CEP126: variants seen among roughly 807,000 people sequenced by gnomAD.
CEP126 encodes centrosomal protein 126.
A neutral mutation model predicts 107.8 loss-of-function variants in CEP126; 74 were observed. The ratio of observed to expected loss-of-function variants is 0.69; its 90% CI spans 0.57 to 0.83. The LOEUF (loss-of-function observed/expected upper bound fraction) is 0.83, where lower values mean the gene tolerates loss of function less well. Ranked by LOEUF, CEP126 falls within the 40% of genes least tolerant of loss-of-function variation. The pLI, the probability that CEP126 is intolerant of heterozygous loss-of-function variation, is 0.00. For missense variants in CEP126, 1,237 were observed against 1,281.9 expected, an observed-to-expected ratio of 0.96 and a Z score of 0.53; for synonymous variants, 449 against 446.0, an observed-to-expected ratio of 1.01 and a Z score of -0.08.
chr11:101,967,184 A>G (rs1030496979), intron 6 of CEP126, among the ~76,000 whole-genome samples: 1 of 151,644 alleles, frequency 6.6e-6, no homozygotes, highest in African/African-American at 2.4e-5. Flanking sequence ...ACCATGCCCA[A>G]CTAATTTTTT....
chr11:101,969,085 ATCATG>A (rs1941093901), intron 6 of CEP126, among the ~76,000 whole-genome samples: 1 of 152,114 alleles, frequency 6.6e-6, no homozygotes, highest in East Asian at 1.9e-4. Context: ...CAGTGGCTTT[ATCATG>A]GCTCACTGCA....
At chr11:101,935,961 A>G (rs931774612) in intron 2 of CEP126, among the ~76,000 whole-genome samples, 13 of 152,112 alleles carry the variant, frequency 8.5e-5, no homozygotes, top group Non-Finnish European at 1.3e-4. Context: ...CCACTTCTTT[A>G]TAGTGAAATA....
chr11:101,932,431 G>C (rs4754817), intron 2 of CEP126, among the ~76,000 whole-genome samples: 3 of 151,956 alleles, frequency 2.0e-5, no homozygotes, highest in African/African-American at 4.8e-5. Context: ...AGAAAACCTG[G>C]CCACTGTGGA....
chr11:101,927,023 T>C (rs994039723), intron 2 of CEP126, among the ~76,000 whole-genome samples: 2 of 152,224 alleles, frequency 1.3e-5, no homozygotes, highest in African/African-American at 4.8e-5. Context: ...AACTGTTGGC[T>C]GGGCGCAGTG....
intron 9 of CEP126, among the ~76,000 whole-genome samples, chr11:101,990,263 G>C (rs191087143): frequency 4.1e-4 from 62 of 152,260 alleles, no homozygotes; most frequent in African/African-American, 1.4e-3. Flanking sequence ...CCCTTCCTCA[G>C]TAGTGCAGGC....
rs1383695707 is a variant in CEP126 at position 101,915,373 on chromosome 11, C to T, written c.89C>T (p.Pro30Leu). ...AACCTCGACAGAGCCCCCCTCGGCCCTCGGGAGAGCGGCGGGCATCACCGA... is the reference window on the plus strand; with the variant it reads ...AACCTCGACAGAGCCCCCCTCGGCCTTCGGGAGAGCGGCGGGCATCACCGA... ...SDNLDRAPLGPRESGGHHRPG... is the reference protein window; with the variant it reads ...SDNLDRAPLGLRESGGHHRPG... The change falls in exon 1 of 11, where the codon CCT (proline) becomes CTT (leucine). Residue 30 changes from proline (P) to leucine (L), a missense_variant. By Grantham distance (98) the Pro-to-Leu change is moderately conservative. Transcript: ENST00000263468. 1.2e-6 allele frequency: 2 copies of T among 1,613,886 alleles called. No individual in the cohort carries two copies. The highest frequency in any genetic ancestry group is 1.3e-5 in the African/African-American group (1 of 75,052).
At chr11:101,986,362 C>T (rs1941316637) in intron 8 of CEP126, among the ~76,000 whole-genome samples, 1 of 152,146 alleles carries the variant, frequency 6.6e-6, no homozygotes, top group South Asian at 2.1e-4. Context: ...CTTCTTTGAT[C>T]ACATGTTCTT....
At chr11:101,956,586 C>T (rs761281626) in intron 4 of CEP126, 60 of 456,040 alleles carry the variant, frequency 1.3e-4, no homozygotes, top group Middle Eastern at 1.3e-3. Context: ...ATACTGTTTT[C>T]TTCCTCCTCA....
intron 4 of CEP126, among the ~76,000 whole-genome samples, chr11:101,954,584 T>A (rs1940858666): frequency 6.6e-6 from 1 of 152,148 alleles, no homozygotes; most frequent in Non-Finnish European, 1.5e-5. Context: ...TATTTTAACA[T>A]ACTATTTTGA....
intron 4 of CEP126, among the ~76,000 whole-genome samples, chr11:101,953,069 G>T (rs533249284): frequency 6.6e-6 from 1 of 152,238 alleles, no homozygotes; most frequent in East Asian, 1.9e-4. Context: ...TATCACAATG[G>T]GTAGGCATCT....
At chr11:101,938,083 G>T (rs1940611982) in intron 2 of CEP126, among the ~76,000 whole-genome samples, 2 of 147,814 alleles carry the variant, frequency 1.4e-5, no homozygotes, top group South Asian at 4.2e-4. Context: ...AACCCGGGAA[G>T]CGGAGCTTGC....
At chr11:101,989,003 T>C (rs565302095) in intron 9 of CEP126, among the ~76,000 whole-genome samples, 1 of 152,276 alleles carries the variant, frequency 6.6e-6, no homozygotes, top group East Asian at 1.9e-4. Flanking sequence ...TTAACAAACC[T>C]GATCAAAGGG....
At chr11:101,956,184 G>C (rs1278722828) in intron 4 of CEP126, 1 of 456,424 alleles carries the variant, frequency 2.2e-6, no homozygotes, top group Non-Finnish European at 4.4e-6. Context: ...AAAACTTTCA[G>C]ACCCAAACAT....
intron 2 of CEP126, among the ~76,000 whole-genome samples, chr11:101,924,492 G>A (rs572763848): frequency 6.6e-6 from 1 of 151,966 alleles, no homozygotes; most frequent in African/African-American, 2.4e-5. Context: ...TTGAGATGGA[G>A]TCTCACTCTG....
chr11:101,993,669 C>A (rs1030358471), intron 10 of CEP126, among the ~76,000 whole-genome samples: 1 of 152,166 alleles, frequency 6.6e-6, no homozygotes, highest in African/African-American at 2.4e-5. Flanking sequence ...GCATTCCCAC[C>A]AGCAGTGTAT....
At chr11:101,916,559 C>T (rs1940217370) in intron 1 of CEP126, 1 of 152,160 alleles carries the variant, frequency 6.6e-6, no homozygotes, top group African/African-American at 2.4e-5. Context: ...GGCTTTTGCC[C>T]TTGCTGCTCC....
At chr11:101,981,988 T>C (rs1941260952) in intron 8 of CEP126, 24 bp downstream of exon 8, 1 of 1,265,962 alleles carries the variant, frequency 7.9e-7, no homozygotes, top group African/African-American at 1.5e-5. Flanking sequence ...TAAACATTTT[T>C]CTCTGATCTT....
chr11:101,939,802 T>C (rs563517022), intron 2 of CEP126, among the ~76,000 whole-genome samples: 1 of 152,226 alleles, frequency 6.6e-6, no homozygotes, highest in Non-Finnish European at 1.5e-5. Flanking sequence ...AAACTCATTA[T>C]TTAACAAATT....
intron 7 of CEP126, among the ~76,000 whole-genome samples, chr11:101,981,226 T>G (rs554221020): frequency 6.6e-6 from 1 of 152,350 alleles, no homozygotes; most frequent in South Asian, 2.1e-4. Context: ...TAGTTATGAT[T>G]CACCCTTACA....
Sources: gnomAD v4.1 joint callset for allele counts (sites outside exome capture counted in the v4.1 genomes callset) on GRCh38, gnomAD v4.1.1 for gene constraint, MANE v1.5 for transcripts, NCBI Gene and HGNC (gene_info 2026-07-23, HGNC 2026-07-21) for gene names.